TRIM9: variants seen among roughly 807,000 people sequenced by gnomAD.
TRIM9 encodes tripartite motif containing 9, also known as E3 ubiquitin-protein ligase TRIM9.
TRIM9 carries 26 observed loss-of-function variants against 78.3 expected under a neutral mutation model. That is an observed-to-expected ratio of 0.33 (90% CI 0.24 to 0.46). The LOEUF (loss-of-function observed/expected upper bound fraction) is 0.46, where lower values mean the gene tolerates loss of function less well. TRIM9 is among the 20% of genes least tolerant of loss of function. The probability of loss-of-function intolerance (pLI) is 1.00; values close to 1 mark genes in which losing one functional copy is unlikely to be tolerated. For missense variants in TRIM9, 787 were observed against 1,036.4 expected (o/e 0.76, Z 3.30); for synonymous variants, 398 against 416.5 (o/e 0.96, Z 0.54).
chr14:51,076,621 C>T (rs1005542603), intron 1 of TRIM9, among the ~76,000 whole-genome samples: 14 of 152,208 alleles, frequency 9.2e-5, no homozygotes, highest in African/African-American at 2.9e-4. Flanking sequence ...AAATTACTAG[C>T]GCCATTTAAC....
intron 5 of TRIM9, among the ~76,000 whole-genome samples, chr14:51,002,497 C>T (rs1369778580): frequency 6.6e-6 from 1 of 152,054 alleles, no homozygotes; most frequent in African/African-American, 2.4e-5. Context: ...TGATTTATTA[C>T]TATTATTACT....
chr14:51,068,571 C>T (rs532189460), intron 1 of TRIM9, among the ~76,000 whole-genome samples: 1 of 152,288 alleles, frequency 6.6e-6, no homozygotes, highest in South Asian at 2.1e-4. Flanking sequence ...CCCCGTTTTA[C>T]AGATGACAAA....
chr14:50,994,504 A>G (rs1193969386), intron 7 of TRIM9, among the ~76,000 whole-genome samples: 1 of 152,216 alleles, frequency 6.6e-6, no homozygotes, highest in African/African-American at 2.4e-5. Context: ...AAATAGATAG[A>G]CTTTGTCCTA....
intron 10 of TRIM9, chr14:50,982,672 G>A: frequency 2.1e-6 from 1 of 470,092 alleles, no homozygotes. Flanking sequence ...TTGCATGTAG[G>A]ACAGGTTGCT....
intron 1 of TRIM9, among the ~76,000 whole-genome samples, chr14:51,079,891 G>C (rs1274330702): frequency 6.6e-6 from 1 of 152,188 alleles, no homozygotes; most frequent in Admixed American, 6.5e-5. Context: ...CAGACAGGAA[G>C]GCAGAAACTC....
chr14:51,061,923 T>C (rs550816327), intron 1 of TRIM9, among the ~76,000 whole-genome samples: 2 of 152,194 alleles, frequency 1.3e-5, no homozygotes, highest in Non-Finnish European at 2.9e-5. Context: ...TCCAGTGATA[T>C]GTATGTTAGG....
rs185050661 is a variant in TRIM9 at position 51,074,402 on chromosome 14, G to T, written c.822+19716C>A. Among the ~76,000 whole-genome samples the T allele has an allele frequency of 2.0e-5, 3 of 152,230 alleles. No homozygotes were observed. In the East Asian group the frequency reaches 5.8e-4, roughly 29 times the overall value. ...AATGAATAATACTGTCTTCCCCCAA[G>T]AAGTTTAGCACCAAACTGGCTCTTG... On this transcript the variant is annotated intron_variant, in intron 1 of 12. Transcript: ENST00000684578.
chr14:51,080,790 C>T (rs77868942), intron 1 of TRIM9, among the ~76,000 whole-genome samples: 5,287 of 152,230 alleles, frequency 0.035, 295 homozygotes, highest in African/African-American at 0.12. Context: ...AGGTAGACTC[C>T]GTTTCCAAAG....
intron 1 of TRIM9, among the ~76,000 whole-genome samples, chr14:51,046,873 G>A (rs1003354719): frequency 6.6e-6 from 1 of 152,158 alleles, no homozygotes; most frequent in Non-Finnish European, 1.5e-5. Flanking sequence ...AACAGTGCTT[G>A]GCATATCTTA....
chr14:51,025,429 A>C, intron 1 of TRIM9, 69 bp from the exon 2 acceptor site: 2 of 188,590 alleles, frequency 1.1e-5, no homozygotes, highest in Non-Finnish European at 1.8e-5. Context: ...AGCGAGACTC[A>C]AAACTGAAGA....
intron 1 of TRIM9, among the ~76,000 whole-genome samples, chr14:51,031,688 T>C (rs115641350): frequency 6.6e-6 from 1 of 152,362 alleles, no homozygotes; most frequent in African/African-American, 2.4e-5. Context: ...TCTGTCCTTT[T>C]TACACATTAA....
chr14:51,052,383 C>T (rs1254389364), intron 1 of TRIM9, among the ~76,000 whole-genome samples: 1 of 152,214 alleles, frequency 6.6e-6, no homozygotes, highest in Non-Finnish European at 1.5e-5. Flanking sequence ...AACCTTTTTA[C>T]CTCCTATTGT....
intron 11 of TRIM9, 90 bp from the exon 12 acceptor site, chr14:50,979,639 C>G (rs11844781): frequency 0.14 from 154,884 of 1,104,480 alleles, 13,073 homozygotes; most frequent in East Asian, 0.33. Context: ...TGTCTTGCAA[C>G]CTGTTTATAA....
intron 11 of TRIM9, 95 bp downstream of exon 11, chr14:50,981,705 T>G (rs2051934845): frequency 1.3e-6 from 2 of 1,496,518 alleles, no homozygotes; most frequent in African/African-American, 2.7e-5. Flanking sequence ...TTTGATTTCC[T>G]GAATGTGGTC....
rs148437881 is a variant in TRIM9, at chr14:51,017,319, C to T, written c.1041+5516G>A. On this transcript the variant is annotated intron_variant, in intron 3 of 12. Coordinates refer to ENST00000684578, the MANE Select transcript of TRIM9 (RefSeq NM_001387360.1). The stretch of plus-strand genomic sequence containing the variant: ...CTTCAAAGGCAAGTCTGAGGCTTTG[C>T]GGTTTTAATCGAGAAAAGGATCATT... Among the ~76,000 whole-genome samples the T allele has an allele frequency of 1.9e-4, 29 of 152,316 alleles. 1 individual carries two copies. In the East Asian group the frequency reaches 4.6e-3, roughly 24 times the overall value.
At chr14:50,982,182 A>G (rs751174374) in intron 10 of TRIM9, 79 bp from the exon 11 acceptor site, 1 of 1,530,980 alleles carries the variant, frequency 6.5e-7, no homozygotes, top group Non-Finnish European at 8.9e-7. Flanking sequence ...TGGGCGGGTG[A>G]GGAGCGTTGT....
At chr14:50,977,444 G>C (rs2051194101) in intron 12 of TRIM9, 91 bp from the exon 13 acceptor site, 1 of 1,033,812 alleles carries the variant, frequency 9.7e-7, no homozygotes, top group Non-Finnish European at 1.3e-6. Flanking sequence ...AACTCAAAAA[G>C]TGTTCTGTTT....
intron 8 of TRIM9, among the ~76,000 whole-genome samples, chr14:50,984,812 G>A (rs10130678): frequency 0.61 from 92,823 of 152,100 alleles, 29,587 homozygotes; most frequent in African/African-American, 0.79. Context: ...GAGACAATGT[G>A]CATTACAAAG....
chr14:51,027,132 CTTTTTTTTTTTTT>C (rs566767264), intron 1 of TRIM9, among the ~76,000 whole-genome samples: 2 of 85,726 alleles, frequency 2.3e-5, no homozygotes, highest in Non-Finnish European at 2.2e-5. Context: ...TGGCTGTTAA[CTTTTTTTTTTTTT>C]TTTTTTTTTT....
Sources: allele counts gnomAD v4.1 joint callset (sites outside exome capture counted in the v4.1 genomes callset), GRCh38; gene constraint gnomAD v4.1.1; transcripts MANE v1.5; gene names NCBI Gene and HGNC (gene_info 2026-07-23, HGNC 2026-07-21).